ZNF577: variants seen among roughly 807,000 people sequenced by gnomAD.
ZNF577 encodes zinc finger protein 577.
Under a neutral mutation model 13.9 loss-of-function variants are expected in ZNF577, and 14 were observed. The ratio of observed to expected loss-of-function variants is 1.00; its 90% confidence interval spans 0.66 to 1.57. The LOEUF (loss-of-function observed/expected upper bound fraction) is 1.57, where lower values mean the gene tolerates loss of function less well. ZNF577 is among the 40% of genes most tolerant of loss of function. The pLI, the probability that ZNF577 is intolerant of heterozygous loss-of-function variation, is 0.00. For synonymous variants in ZNF577, 203 were observed against 202.9 expected (o/e 1.00, Z 0.00); for missense variants, 555 against 579.2 (o/e 0.96, Z 0.43).
At chr19:51,821,398 G>C (rs916687859) in intron 9 of ZNF577, among the ~76,000 whole-genome samples, 1 of 152,134 alleles carries the variant, frequency 6.6e-6, no homozygotes, top group African/African-American at 2.4e-5. Flanking sequence ...ACTCCTGAAG[G>C]GGGAGTTGCT....
chr19:51,865,099 G>A (rs1222049537), downstream of ZNF577, among the ~76,000 whole-genome samples: 1 of 152,026 alleles, frequency 6.6e-6, no homozygotes, highest in Non-Finnish European at 1.5e-5. Flanking sequence ...CTTTCCCAAA[G>A]ATTTTTTTTT....
rs1036772583 is a variant in ZNF577 at position 51,805,243 on chromosome 19, C to T, written c.*829G>A. The T allele has an allele frequency of 1.6e-4, 25 of 152,242 alleles. 1 individual carries two copies. The highest frequency in any genetic ancestry group is 1.4e-3 in the Admixed American group (22 of 15,292). 9.4% of individuals were successfully genotyped at this position (152,242 alleles called of 1,614,324 possible). A position where few individuals can be genotyped will look rare whatever the true frequency, so the allele number is the denominator to read the frequency against. ...CTCATTCTCCGATTGGCGGTCCATC[C>T]GATTTTACAGACTATAAACAGAAGA... On this transcript the variant is annotated 3_prime_UTR_variant and NMD_transcript_variant, in exon 11 of 11. Coordinates refer to the ZNF577 transcript ENST00000638827.
At chr19:51,821,262 A>T (rs1217105057) in intron 9 of ZNF577, among the ~76,000 whole-genome samples, 9 of 152,218 alleles carry the variant, frequency 5.9e-5, no homozygotes, top group Non-Finnish European at 1.3e-4. Flanking sequence ...GGTGCCAACG[A>T]TAAGAGTAGC....
intron 9 of ZNF577, among the ~76,000 whole-genome samples, chr19:51,828,486 A>G (rs2084243246): frequency 6.6e-6 from 1 of 152,154 alleles, no homozygotes; most frequent in Non-Finnish European, 1.5e-5. Flanking sequence ...CACTGCCAGG[A>G]CAGGGGATTC....
At chr19:51,816,176 T>C (rs1346979046) in intron 9 of ZNF577, among the ~76,000 whole-genome samples, 1 of 152,208 alleles carries the variant, frequency 6.6e-6, no homozygotes, top group African/African-American at 2.4e-5. Flanking sequence ...GGAAGCTCCA[T>C]GTACCACCTC....
intron 5 of ZNF577, among the ~76,000 whole-genome samples, chr19:51,846,041 T>G (rs907814173): frequency 2.6e-5 from 4 of 151,182 alleles, no homozygotes. Flanking sequence ...TGAGACAGAG[T>G]CTTGCTCTGT....
chr19:51,820,306 CA>C (rs767356142), intron 9 of ZNF577, among the ~76,000 whole-genome samples: 16 of 152,308 alleles, frequency 1.1e-4, no homozygotes, highest in Admixed American at 3.3e-4. Flanking sequence ...TGACATTGAA[CA>C]AGTCACTTCC....
rs10407547 is a variant in ZNF577 at position 51,872,873 on chromosome 19, C to T, written c.1117G>A (p.Glu373Lys). 0.05 allele frequency: 80,960 copies of T among 1,613,960 alleles called. 7,236 individuals are homozygous for T. The highest frequency in any genetic ancestry group is 0.28 in the African/African-American group (20,779 of 74,924). The change falls in exon 6 of 6, where the codon GAG becomes AAG. Residue 373 changes from glutamate (E) to lysine (K), a missense_variant. By Grantham distance (56) the Glu-to-Lys change is moderately conservative. Coordinates refer to ENST00000638348, the MANE Select transcript of ZNF577 (RefSeq NM_001370449.1). ...FAHMSVLIKHEKTHIRETAIN... is the reference protein window; with the variant it reads ...FAHMSVLIKHKKTHIRETAIN... ...GCTGTCTCTCTTATGTGAGTTTTCT[C>T]ATGTTTAATGAGGACTGACATGTGG...
In ZNF577 at chr19:51,873,629, T is replaced by TA. The variant is rs777286127; in HGVS notation, c.360dup (p.Ile121TyrfsTer4). On this transcript the variant is annotated frameshift_variant, in exon 6 of 6. Transcript: ENST00000638348. LOFTEE classifies it low-confidence loss of function (END_TRUNC). ...CCAGTAAGAGTTTTGTCACGCTTGATATGGAGGCATGATCTCCCATATCCA... is the reference window on the plus strand; with the variant it reads ...CCAGTAAGAGTTTTGTCACGCTTGATAATGGAGGCATGATCTCCCATATCCA... The TA allele has an allele frequency of 5.6e-6, 9 of 1,614,232 alleles. No individual in the cohort carries two copies. The highest frequency in any genetic ancestry group is 5.9e-6 in the Non-Finnish European group (7 of 1,180,038).
At chr19:51,823,176 A>G (rs2084203463) in intron 9 of ZNF577, among the ~76,000 whole-genome samples, 1 of 152,108 alleles carries the variant, frequency 6.6e-6, no homozygotes, top group Admixed American at 6.6e-5. Context: ...AGCATGTAAT[A>G]TATGTCTATA....
chr19:51,868,522 G>A lies in ZNF577; in HGVS notation c.*4010C>T, dbSNP rs2084601902. On this transcript the variant is annotated 3_prime_UTR_variant, in exon 6 of 6. Transcript: ENST00000638348. ...CAGCAGGGCAGACTCACCAAGAACC[G>A]ACTGGGTCTGACCCACCAAAGACTG... Among the ~76,000 whole-genome samples the A allele has an allele frequency of 1.3e-5, 2 of 152,122 alleles. No homozygotes were observed. Among genetic ancestry groups the A allele is most frequent in the African/African-American group, 4.8e-5 (2 of 41,438 alleles).
intron 9 of ZNF577, chr19:51,825,009 A>T: frequency 1.7e-6 from 1 of 571,902 alleles, no homozygotes; most frequent in Admixed American, 3.3e-5. Context: ...ATTAAATTCC[A>T]ACACTATCTA....
At chr19:51,825,644 C>G (rs967390386) in intron 9 of ZNF577, 2 of 167,126 alleles carry the variant, frequency 1.2e-5, no homozygotes, top group African/African-American at 4.8e-5. Context: ...ACCAGATACC[C>G]TAATCCCAGT....
intron 9 of ZNF577, among the ~76,000 whole-genome samples, chr19:51,818,793 A>C (rs539358961): frequency 6.6e-6 from 1 of 152,196 alleles, no homozygotes; most frequent in Non-Finnish European, 1.5e-5. Flanking sequence ...CTGGGGATAC[A>C]CAAGACAAAT....
downstream of ZNF577, among the ~76,000 whole-genome samples, chr19:51,863,789 T>C (rs751301677): frequency 1.3e-5 from 2 of 152,182 alleles, no homozygotes; most frequent in East Asian, 1.9e-4. Context: ...AGATAAACAG[T>C]GTAATATTCA....
chr19:51,878,513 C>A lies in ZNF577; in HGVS notation c.63G>T (p.Gly21=), dbSNP rs770275018. The A allele has an allele frequency of 5.0e-6, 8 of 1,613,852 alleles. No homozygotes were observed. In the Admixed American group the frequency reaches 5.0e-5, roughly 10 times the overall value. The change falls in exon 4 of 6, where the codon GGG becomes GGT. Residue 21 remains glycine, a splice_region_variant and synonymous_variant. Transcript: ENST00000638348. ...CAGCCACATCTTCGAATGACAATGACCCCTATAATAACAATTCCAATGCAA... is the reference window on the plus strand; with the variant it reads ...CAGCCACATCTTCGAATGACAATGAACCCTATAATAACAATTCCAATGCAA... ...RREQGSSSGE[G]SLSFEDVAVG... is the part of the protein sequence containing the mutation.
downstream of ZNF577, among the ~76,000 whole-genome samples, chr19:51,865,153 A>G (rs1288592709): frequency 6.6e-6 from 1 of 152,034 alleles, no homozygotes; most frequent in African/African-American, 2.4e-5. Flanking sequence ...CTGGAGTGCA[A>G]TGGCGCAATC....
chr19:51,879,608 T>C (rs116203442), intron 3 of ZNF577, among the ~76,000 whole-genome samples: 2,907 of 149,308 alleles, frequency 0.019, 96 homozygotes, highest in African/African-American at 0.063. Context: ...TAATTACATA[T>C]GTATAAGTAT....
At chr19:51,856,482 T>C (rs908330672) in intron 5 of ZNF577, among the ~76,000 whole-genome samples, 2 of 152,162 alleles carry the variant, frequency 1.3e-5, no homozygotes, top group Non-Finnish European at 2.9e-5. Flanking sequence ...ACAGACAGTT[T>C]TGTGTTTATT....
Sources: gnomAD v4.1 joint callset for allele counts (sites outside exome capture counted in the v4.1 genomes callset) on GRCh38, gnomAD v4.1.1 for gene constraint, MANE v1.5 for transcripts, NCBI Gene and HGNC (gene_info 2026-07-23, HGNC 2026-07-21) for gene names.